PLD5: variants seen among roughly 807,000 people sequenced by gnomAD.
PLD5 encodes inactive phospholipase D5.
A neutral mutation model predicts 61.1 loss-of-function variants in PLD5; 36 were observed. The ratio of observed to expected loss-of-function variants is 0.59; its 90% CI spans 0.45 to 0.78. The LOEUF (loss-of-function observed/expected upper bound fraction) is 0.78. Ranked by LOEUF, PLD5 falls within the 30% of genes least tolerant of loss-of-function variation. The pLI is 0.00. For synonymous variants in PLD5, 243 were observed against 242.8 expected (o/e 1.00, Z -0.01); for missense variants, 515 against 644.4 (o/e 0.80, Z 2.17).
At chr1:242,183,718 A>AC (rs1347025398) in intron 5 of PLD5, among the ~76,000 whole-genome samples, 2 of 152,036 alleles carry the variant, frequency 1.3e-5, no homozygotes, top group Admixed American at 1.3e-4. Flanking sequence ...ACACGGTGAA[A>AC]CCCGTCTCTA....
At position 242,089,510 on chromosome 1, in the gene PLD5, C is replaced by T. The variant is rs187238210; in HGVS notation, c.*344G>A. The T allele has an allele frequency of 3.6e-4, 176 of 488,462 alleles. No homozygotes were observed. In the East Asian group the frequency reaches 4.7e-3, roughly 13 times the overall value. The allele number at this position is 488,462 out of a possible 1,614,324, so 30.3% of individuals were successfully genotyped here. On this transcript the variant is annotated 3_prime_UTR_variant, in exon 10 of 10. Transcript: ENST00000536534. ...CTCAGAATGGTGTTAAAGAGCCCACCTCATGCTAAGCTTCCTAACAACTGA... is the reference window on the plus strand; with the variant it reads ...CTCAGAATGGTGTTAAAGAGCCCACTTCATGCTAAGCTTCCTAACAACTGA...
chr1:242,352,712 T>G (rs545632415), intron 1 of PLD5, among the ~76,000 whole-genome samples: 2 of 152,340 alleles, frequency 1.3e-5, no homozygotes, highest in African/African-American at 2.4e-5. Flanking sequence ...AATGCTGGTC[T>G]TTTGTCCTTT....
At chr1:242,477,871 G>T (rs566650954) in intron 1 of PLD5, among the ~76,000 whole-genome samples, 18 of 152,326 alleles carry the variant, frequency 1.2e-4, no homozygotes, top group African/African-American at 4.3e-4. Context: ...GAGCATAAGA[G>T]CTGGACCCTG....
chr1:242,085,222 TC>T lies in PLD5; in HGVS notation c.*4631del, dbSNP rs1316566633. ...CATAGCAAAAGAAAATGTGTAATAGTCTATTAAATGTAACTTTTTTTTTTCA... is the reference window on the plus strand; with the variant it reads ...CATAGCAAAAGAAAATGTGTAATAGTTATTAAATGTAACTTTTTTTTTTCA... On this transcript the variant is annotated 3_prime_UTR_variant, in exon 10 of 10. Transcript: ENST00000536534. 1.3e-5 allele frequency: 2 copies of T among 152,124 alleles called. No homozygotes were observed. The highest frequency in any genetic ancestry group is 2.9e-5 in the Non-Finnish European group (2 of 68,024). 9.4% of individuals were successfully genotyped at this position (152,124 alleles called of 1,614,324 possible). A position where few individuals can be genotyped will look rare whatever the true frequency, so the allele number is the denominator to read the frequency against.
In PLD5 at chr1:242,432,643, C is replaced by T. The variant is rs541969347; in HGVS notation, c.190-84401G>A. ...AATTCTCCTCTTTATCCAAGACAAG[C>T]CCTGGAAGACTCCCCTGGCATAAAG... On this transcript the variant is annotated intron_variant, in intron 1 of 9. Transcript: ENST00000536534. 1.2e-4 allele frequency among the ~76,000 whole-genome samples: 18 copies of T among 152,258 alleles called. No individual in the cohort carries two copies. In the South Asian group the frequency reaches 3.7e-3, roughly 32 times the overall value.
At chr1:242,220,170 G>C in intron 4 of PLD5, 55 bp from the exon 5 acceptor site, 5 of 1,590,228 alleles carry the variant, frequency 3.1e-6, no homozygotes, top group Non-Finnish European at 4.3e-6. Flanking sequence ...TGCCTGGGCT[G>C]TCAGTCACCT....
At chr1:242,288,977 T>C (rs929916989) in intron 2 of PLD5, among the ~76,000 whole-genome samples, 122 of 152,302 alleles carry the variant, frequency 8.0e-4, no homozygotes, top group African/African-American at 2.7e-3. Context: ...ATGTGGGGCA[T>C]ACATTGGAAC....
chr1:242,396,938 A>T (rs1401869466), intron 1 of PLD5, among the ~76,000 whole-genome samples: 4 of 151,918 alleles, frequency 2.6e-5, no homozygotes, highest in Non-Finnish European at 4.4e-5. Flanking sequence ...TCAGCCTCCC[A>T]AAGTGCTGGG....
At chr1:242,374,448 C>G (rs998488213) in intron 1 of PLD5, among the ~76,000 whole-genome samples, 1 of 152,108 alleles carries the variant, frequency 6.6e-6, no homozygotes, top group South Asian at 2.1e-4. Flanking sequence ...GAGAAGCAAA[C>G]ATTTTTCTTT....
At chr1:242,513,071 G>A (rs577622224) in intron 1 of PLD5, among the ~76,000 whole-genome samples, 2 of 152,108 alleles carry the variant, frequency 1.3e-5, no homozygotes, top group Admixed American at 6.5e-5. Flanking sequence ...GTAGAGACAG[G>A]ATCTCACTAT....
chr1:242,449,395 G>T (rs1164632537), intron 1 of PLD5: 2 of 1,536,090 alleles, frequency 1.3e-6, no homozygotes, highest in Admixed American at 3.9e-5. Flanking sequence ...GAGTCCAGCA[G>T]CCAGGAGCTG....
chr1:242,490,512 C>A lies in PLD5; in HGVS notation c.189+33576G>T, dbSNP rs182957335. ...GGCCCTCTTCGGTTTTGTTCAGTTA[C>A]ACATTTTCTTAATAACATATATTTT... On this transcript the variant is annotated intron_variant, in intron 1 of 9. Transcript: ENST00000536534. Among the ~76,000 whole-genome samples, 63 of 152,282 alleles carry A rather than the reference C, an allele frequency of 4.1e-4. No homozygotes were observed. In the East Asian group the frequency reaches 4.4e-3, roughly 11 times the overall value.
In PLD5 at chr1:242,505,819, G is replaced by A. The variant is rs539562308; in HGVS notation, c.189+18269C>T. ...ACATCCACAGACCAACCAGCCTGCT[G>A]GGGAATCATTACCTCCTTCACCCAC... On this transcript the variant is annotated intron_variant, in intron 1 of 9. Coordinates refer to ENST00000536534, the MANE Select transcript of PLD5 (RefSeq NM_001372062.1). Among the ~76,000 whole-genome samples, 94 of 152,310 alleles carry A rather than the reference G, an allele frequency of 6.2e-4. 3 individuals carry two copies. The highest frequency in any genetic ancestry group is 1.1e-3 in the Admixed American group (17 of 15,296).
At chr1:242,408,621 C>T (rs954903523) in intron 1 of PLD5, among the ~76,000 whole-genome samples, 8 of 152,154 alleles carry the variant, frequency 5.3e-5, no homozygotes, top group Non-Finnish European at 1.0e-4. Context: ...TTCCTGAGGC[C>T]TCACCAGAAG....
chr1:242,381,171 G>A (rs1056575997), intron 1 of PLD5, among the ~76,000 whole-genome samples: 1 of 152,152 alleles, frequency 6.6e-6, no homozygotes, highest in Non-Finnish European at 1.5e-5. Context: ...ATGATAGACT[G>A]GATAAAGAAA....
Position 242,524,552 on chromosome 1 carries a change from G to A in PLD5, c.-276C>T, listed in dbSNP as rs1669388597. Reference sequence around the variant, plus strand: ...GGCGGGGGCGGGGGCGGAGGGGGACGGACGGGGAGAAGGGGGACGAGAGGG... The same window carrying A: ...GGCGGGGGCGGGGGCGGAGGGGGACAGACGGGGAGAAGGGGGACGAGAGGG... On this transcript the variant is annotated 5_prime_UTR_variant, in exon 1 of 10. Transcript: ENST00000536534. 2 of 195,422 alleles carry A rather than the reference G, an allele frequency of 1.0e-5. No homozygotes were observed. Among genetic ancestry groups the A allele is most frequent in the South Asian group, 4.1e-4 (2 of 4,896 alleles). The allele number at this position is 195,422 out of a possible 1,614,324, so 12.1% of individuals were successfully genotyped here.
chr1:242,201,676 A>G (rs1450603789), intron 5 of PLD5, among the ~76,000 whole-genome samples: 1 of 152,136 alleles, frequency 6.6e-6, no homozygotes, highest in African/African-American at 2.4e-5. Context: ...TTAATAATAA[A>G]AATTTAATAA....
intron 1 of PLD5, among the ~76,000 whole-genome samples, chr1:242,403,342 C>A (rs1489302020): frequency 2.0e-5 from 3 of 152,212 alleles, no homozygotes; most frequent in Admixed American, 6.5e-5. Flanking sequence ...CCCCAGAGAA[C>A]CTTCCCTGCA....
At chr1:242,522,776 C>T (rs1669320187) in intron 1 of PLD5, among the ~76,000 whole-genome samples, 1 of 152,220 alleles carries the variant, frequency 6.6e-6, no homozygotes. Flanking sequence ...TTTCAAACAA[C>T]TTGCCATCCT....
Sources: allele counts gnomAD v4.1 joint callset (sites outside exome capture counted in the v4.1 genomes callset), GRCh38; gene constraint gnomAD v4.1.1; transcripts MANE v1.5; gene names NCBI Gene and HGNC (gene_info 2026-07-23, HGNC 2026-07-21).